TMEM132B: variants seen among roughly 807,000 people sequenced by gnomAD.
The protein encoded by TMEM132B is transmembrane protein 132B.
Under a neutral mutation model 90.8 loss-of-function variants are expected in TMEM132B, and 18 were observed. The observed-to-expected ratio is 0.20, with a 90% CI of 0.14 to 0.29. The LOEUF (loss-of-function observed/expected upper bound fraction) is 0.29, where lower values mean the gene tolerates loss of function less well. TMEM132B is among the 10% of genes least tolerant of loss of function. The probability of loss-of-function intolerance (pLI) is 1.00; values close to 1 mark genes in which losing one functional copy is unlikely to be tolerated. For missense variants in TMEM132B, 1,096 were observed against 1,326.8 expected, an observed-to-expected ratio of 0.83 and a Z score of 2.70; for synonymous variants, 504 against 523.3, an observed-to-expected ratio of 0.96 and a Z score of 0.50.
rs758388076 is a variant in TMEM132B, at chr12:125,349,155, G to T, written c.68-297G>T. Among the ~76,000 whole-genome samples, 1 of 152,188 alleles carries T rather than the reference G, an allele frequency of 6.6e-6. No individual in the cohort carries two copies. Among genetic ancestry groups the T allele is most frequent in the Non-Finnish European group, 1.5e-5 (1 of 68,042 alleles). ...AACAACGATGACCATGATCTTTTGAGTTTATGATTTCGCACAAGCAGCAGA... is the reference window on the plus strand; with the variant it reads ...AACAACGATGACCATGATCTTTTGATTTTATGATTTCGCACAAGCAGCAGA... On this transcript the variant is annotated intron_variant, in intron 1 of 8. Transcript: ENST00000682704. This position sits in a 1 kb window ranked among gnomAD's most constrained non-coding sequence, Gnocchi z 4.1.
intron 1 of TMEM132B, among the ~76,000 whole-genome samples, chr12:125,347,492 C>T (rs544838273): frequency 6.6e-6 from 1 of 152,210 alleles, no homozygotes; most frequent in East Asian, 1.9e-4. Context: ...GGAAAGCTCA[C>T]CAAGCACAGC....
In TMEM132B at chr12:125,282,043, AAAAAAAAAAAAAAAAAAG is replaced by A. The variant is rs1403987873; in HGVS notation, c.68-67407_68-67390del. Among the ~76,000 whole-genome samples, 20 of 132,130 alleles carry A rather than the reference AAAAAAAAAAAAAAAAAAG, an allele frequency of 1.5e-4. 1 individual carries two copies. Among genetic ancestry groups the A allele is most frequent in the African/African-American group, 3.1e-4 (11 of 35,814 alleles). 86.7% of individuals were successfully genotyped at this position (132,130 alleles called of 152,430 possible). Reference sequence around the variant, plus strand: ...ACTCCGTCTCAAAAAAAAAAAAAAAAAAAAAAAAAAAAAAAAAGAGAGACTTTTGAAGCTTGGTGAGAG... The same window carrying A: ...ACTCCGTCTCAAAAAAAAAAAAAAAAAGAGACTTTTGAAGCTTGGTGAGAG... On this transcript the variant is annotated intron_variant, in intron 1 of 8. Transcript: ENST00000682704.
chr12:125,448,037 A>G (rs10846892), intron 3 of TMEM132B, among the ~76,000 whole-genome samples: 66,623 of 152,026 alleles, frequency 0.44, 15,765 homozygotes, highest in African/African-American at 0.61. Flanking sequence ...AGGCCAAGGC[A>G]TGTGGGTCAC....
chr12:125,559,398 C>T (rs2136787305), intron 4 of TMEM132B, among the ~76,000 whole-genome samples: 1 of 152,252 alleles, frequency 6.6e-6, no homozygotes, highest in African/African-American at 2.4e-5. Context: ...CAAGTTCTTC[C>T]CTTTATCACA....
chr12:125,212,161 A>T (rs569932914), intron 1 of TMEM132B, among the ~76,000 whole-genome samples: 6 of 152,058 alleles, frequency 3.9e-5, no homozygotes, highest in Non-Finnish European at 8.8e-5. Flanking sequence ...TCTGCTTTCG[A>T]TGGCAGGGCT....
intron 4 of TMEM132B, among the ~76,000 whole-genome samples, chr12:125,524,973 A>G (rs1883408622): frequency 6.6e-6 from 1 of 152,138 alleles, no homozygotes; most frequent in Admixed American, 6.5e-5. Flanking sequence ...AGGTGAATGG[A>G]CATTAGCCAA....
chr12:125,587,109 G>A (rs1593007213), intron 5 of TMEM132B: 2 of 151,780 alleles, frequency 1.3e-5, no homozygotes, highest in South Asian at 4.2e-4. Context: ...GTGGTTTCAG[G>A]CATCCACTGG....
chr12:125,238,387 C>CAAAAAAAAAA (rs1565981391), intron 1 of TMEM132B, among the ~76,000 whole-genome samples: 1 of 137,616 alleles, frequency 7.3e-6, no homozygotes, highest in African/African-American at 2.7e-5. Context: ...CAAAAAAAAA[C>CAAAAAAAAAA]CAAAAAAACA....
rs529626030 is a variant in TMEM132B at position 125,353,959 on chromosome 12, T to C, written c.959+3616T>C. ...AGCTGAAATGGACTTTAATTCTGAC[T>C]TGGCCTTGAAAAATCAAGCAATGAA... On this transcript the variant is annotated intron_variant, in intron 2 of 8. Coordinates refer to ENST00000682704, the MANE Select transcript of TMEM132B (RefSeq NM_001366854.1). 3.9e-5 allele frequency among the ~76,000 whole-genome samples: 6 copies of C among 152,332 alleles called. No homozygotes were observed. The East Asian group carries it at 1.2e-3, about 29-fold the overall frequency.
At chr12:125,571,494 G>C (rs1484312141) in intron 4 of TMEM132B, among the ~76,000 whole-genome samples, 1 of 152,094 alleles carries the variant, frequency 6.6e-6, no homozygotes, top group Non-Finnish European at 1.5e-5. Context: ...AAATAACTTG[G>C]CACAGTGCCT....
chr12:125,394,934 G>A (rs1331244347), intron 2 of TMEM132B, among the ~76,000 whole-genome samples: 2 of 152,094 alleles, frequency 1.3e-5, no homozygotes, highest in East Asian at 1.9e-4. Flanking sequence ...TATCAATTGG[G>A]TACAATGTTC....
chr12:125,256,678 T>C (rs1593058185), intron 1 of TMEM132B, among the ~76,000 whole-genome samples: 1 of 152,156 alleles, frequency 6.6e-6, no homozygotes, highest in East Asian at 1.9e-4. Context: ...TTGTATTAGG[T>C]TGGTGCAAAA....
chr12:125,270,761 G>C lies in TMEM132B; in HGVS notation c.68-78691G>C, dbSNP rs576096655. Among the ~76,000 whole-genome samples, 12 of 136,470 alleles carry C rather than the reference G, an allele frequency of 8.8e-5. No individual in the cohort carries two copies. The East Asian group carries it at 2.2e-3, about 25-fold the overall frequency. 89.5% of individuals were successfully genotyped at this position (136,470 alleles called of 152,430 possible). On this transcript the variant is annotated intron_variant, in intron 1 of 8. Coordinates refer to ENST00000682704, the MANE Select transcript of TMEM132B (RefSeq NM_001366854.1). ...GCACTCATGGTTTTGAGCTGAACAG[G>C]CTCCTGCAGAGACTCTGTGGGGGTT...
Position 125,432,906 on chromosome 12 carries a change from A to G in TMEM132B, c.1106+17229A>G, listed in dbSNP as rs538698778. Among the ~76,000 whole-genome samples the G allele has an allele frequency of 3.9e-5, 6 of 152,322 alleles. No individual in the cohort carries two copies. The South Asian group carries it at 1.2e-3, about 32-fold the overall frequency. On this transcript the variant is annotated intron_variant, in intron 3 of 8. Coordinates refer to ENST00000682704, the MANE Select transcript of TMEM132B (RefSeq NM_001366854.1). Reference sequence around the variant, plus strand: ...CCCAAGAGAGTTCTAGGCTCCACAGACACACTTCGTAGTTCACTCATTTGG... The same window carrying G: ...CCCAAGAGAGTTCTAGGCTCCACAGGCACACTTCGTAGTTCACTCATTTGG...
At chr12:125,241,649 C>T (rs1023752669) in intron 1 of TMEM132B, among the ~76,000 whole-genome samples, 5 of 152,162 alleles carry the variant, frequency 3.3e-5, no homozygotes, top group African/African-American at 4.8e-5. Context: ...GTTGAGCCTT[C>T]AGAGGAAGCG....
At chr12:125,320,369 T>G (rs946851278) in intron 1 of TMEM132B, among the ~76,000 whole-genome samples, 2 of 152,238 alleles carry the variant, frequency 1.3e-5, no homozygotes, top group African/African-American at 4.8e-5. Flanking sequence ...TTATTATAGC[T>G]GAGAAAATTA....
In TMEM132B at chr12:125,589,264, C is replaced by G. The variant is rs181728762; in HGVS notation, c.1437+5270C>G. On this transcript the variant is annotated intron_variant, in intron 5 of 8. Transcript: ENST00000682704. ...TTGGGAGGCCAAGGCGGGCAGATCA[C>G]GAGGTCAGGAGATCGAGACCATCCT... 4.1e-4 allele frequency among the ~76,000 whole-genome samples: 63 copies of G among 152,024 alleles called. 1 individual carries two copies. In the South Asian group the frequency reaches 0.013, roughly 31 times the overall value.
chr12:125,584,228 T>G (rs978226586), intron 5 of TMEM132B: 6 of 549,006 alleles, frequency 1.1e-5, no homozygotes, highest in Non-Finnish European at 2.0e-5. Flanking sequence ...TGACCCTTAA[T>G]CTCCAGCAGA....
intron 3 of TMEM132B, among the ~76,000 whole-genome samples, chr12:125,508,230 G>A (rs540502230): frequency 6.6e-6 from 1 of 152,024 alleles, no homozygotes; most frequent in Non-Finnish European, 1.5e-5. Flanking sequence ...AAATATCTGC[G>A]GCCTTTACAT....
Sources: gnomAD v4.1 joint callset for allele counts (sites outside exome capture counted in the v4.1 genomes callset) on GRCh38, gnomAD v4.1.1 for gene constraint, Gnocchi (gnomAD v3.1) non-coding constraint, MANE v1.5 for transcripts, NCBI Gene and HGNC (gene_info 2026-07-23, HGNC 2026-07-21) for gene names.